The following CPLX4 variants were observed in gnomAD, a reference collection of about 807,000 sequenced individuals.
CPLX4 encodes complexin-4.
CPLX4 carries 17 observed loss-of-function variants against 16.1 expected under a neutral mutation model. The ratio of observed to expected loss-of-function variants is 1.06; its 90% CI spans 0.72 to 1.59. The LOEUF (loss-of-function observed/expected upper bound fraction) is 1.59, where lower values mean the gene tolerates loss of function less well. CPLX4 is among the 40% of genes most tolerant of loss of function. CPLX4 has a pLI of 0.00. For missense variants in CPLX4, 193 were observed against 192.9 expected (o/e 1.00, Z 0.00); for synonymous variants, 55 against 57.8 (o/e 0.95, Z 0.22).
intron 2 of CPLX4, among the ~76,000 whole-genome samples, chr18:59,309,220 T>G (rs2070599104): frequency 1.3e-5 from 2 of 152,210 alleles, no homozygotes; most frequent in Non-Finnish European, 2.9e-5. Context: ...TGTAGTATCT[T>G]CCATACCATA....
At chr18:59,301,271 C>G (rs1212640997) in intron 2 of CPLX4, among the ~76,000 whole-genome samples, 1 of 152,220 alleles carries the variant, frequency 6.6e-6, no homozygotes, top group Non-Finnish European at 1.5e-5. Flanking sequence ...GCCCTTTGGC[C>G]CACAGACTCT....
chr18:59,302,705 C>T (rs545314769), intron 2 of CPLX4, among the ~76,000 whole-genome samples: 9 of 152,286 alleles, frequency 5.9e-5, no homozygotes, highest in African/African-American at 2.2e-4. Context: ...GATGCCTGAC[C>T]TTTCACCAAA....
Position 59,318,631 on chromosome 18 carries a change from G to T in CPLX4, c.-169C>A. The T allele has an allele frequency of 1.6e-6, 2 of 1,274,316 alleles. No homozygotes were observed. The highest frequency in any genetic ancestry group is 2.8e-4 in the Middle Eastern group (1 of 3,548). The allele number at this position is 1,274,316 out of a possible 1,614,324, so 78.9% of individuals were successfully genotyped here. On this transcript the variant is annotated 5_prime_UTR_variant, in exon 1 of 3. Coordinates refer to ENST00000299721, the MANE Select transcript of CPLX4 (RefSeq NM_181654.4). ...CAAGGGCATACTGATAGAGAAGAGT[G>T]GTTTGTCGGCCGTAAGCTGGATTAA... is the stretch of plus-strand genomic sequence containing the variant.
rs1049821791 is a variant in CPLX4, at chr18:59,301,987, C to A, written c.256-5062G>T. ...GAATATTTTAGAGGAAAGAGGGCAG[C>A]TCAGTGTCAAGATCCCTGCTGAAAG... On this transcript the variant is annotated intron_variant, in intron 2 of 2. Coordinates refer to ENST00000299721, the MANE Select transcript of CPLX4 (RefSeq NM_181654.4). Among the ~76,000 whole-genome samples the A allele has an allele frequency of 3.3e-5, 5 of 152,210 alleles. No homozygotes were observed. In the South Asian group the frequency reaches 6.2e-4, roughly 19 times the overall value.
At chr18:59,307,918 ATTTTTTTTGCCCGGCTAAT>A (rs2070588359) in intron 2 of CPLX4, among the ~76,000 whole-genome samples, 2 of 146,340 alleles carry the variant, frequency 1.4e-5, no homozygotes, top group South Asian at 4.4e-4. Flanking sequence ...TGGCCGGCTA[ATTTTTTTTGCCCGGCTAAT>A]TTTTTTTTTT....
chr18:59,303,376 T>C (rs1220262399), intron 2 of CPLX4, among the ~76,000 whole-genome samples: 10 of 152,200 alleles, frequency 6.6e-5, no homozygotes, highest in African/African-American at 2.4e-4. Context: ...CTCTTTCCCT[T>C]ATGAAGACAT....
intron 2 of CPLX4, among the ~76,000 whole-genome samples, chr18:59,301,573 G>A (rs773332783): frequency 2.0e-5 from 3 of 152,252 alleles, no homozygotes; most frequent in African/African-American, 4.8e-5. Context: ...AGACAAGGCC[G>A]TTGAGTGGCT....
chr18:59,301,835 A>G (rs956327517), intron 2 of CPLX4, among the ~76,000 whole-genome samples: 11 of 152,256 alleles, frequency 7.2e-5, no homozygotes, highest in Non-Finnish European at 1.5e-4. Flanking sequence ...ACCTTGGGCA[A>G]GTCAACTTAT....
At chr18:59,314,129 G>T (rs1232791753) in intron 1 of CPLX4, among the ~76,000 whole-genome samples, 1 of 152,154 alleles carries the variant, frequency 6.6e-6, no homozygotes, top group Non-Finnish European at 1.5e-5. Context: ...CAGAATGTCA[G>T]GTCTGGAACG....
Position 59,312,717 on chromosome 18 carries a change from C to G in CPLX4, c.223G>C (p.Val75Leu). 6.9e-7 allele frequency: 1 copy of G among 1,458,466 alleles called. No homozygotes were observed. The highest frequency in any genetic ancestry group is 9.6e-7 in the Non-Finnish European group (1 of 1,038,190). 90.3% of individuals were successfully genotyped at this position (1,458,466 alleles called of 1,614,324 possible). The change falls in exon 2 of 3, where the codon GTT becomes CTT. Residue 75 changes from valine (V) to leucine (L), a missense_variant. Val to Leu is a conservative substitution (Grantham distance 32). Transcript: ENST00000299721. ...AGCCTGTATTTTTCTCTGAGATGAA[C>G]TCTGAGGCATGCCCTTTCTGCCTTT... ...QKKAERACLRVHLREKYRLPK... is the reference protein window; with the variant it reads ...QKKAERACLRLHLREKYRLPK...
intron 2 of CPLX4, among the ~76,000 whole-genome samples, chr18:59,297,677 G>A (rs963655199): frequency 2.0e-5 from 3 of 152,234 alleles, no homozygotes; most frequent in South Asian, 2.1e-4. Flanking sequence ...AGCTTTGCAA[G>A]TCTTGCAGAT....
chr18:59,301,846 G>A (rs943591985), intron 2 of CPLX4, among the ~76,000 whole-genome samples: 1 of 152,254 alleles, frequency 6.6e-6, no homozygotes. Context: ...GTCAACTTAT[G>A]TTTCTGATGT....
In CPLX4 at chr18:59,318,505, CT is replaced by C; in HGVS notation, c.-44del. ...AATAAAACCAAAATTCAGACAAAAG[CT>C]GAAAAAAAAAATCCAAACAAACCCA... is the stretch of plus-strand genomic sequence containing the variant. On this transcript the variant is annotated 5_prime_UTR_variant, in exon 1 of 3. Transcript: ENST00000299721. The C allele has an allele frequency of 2.6e-6, 4 of 1,559,546 alleles. No homozygotes were observed. The highest frequency in any genetic ancestry group is 3.4e-6 in the Non-Finnish European group (4 of 1,159,902).
At chr18:59,303,544 G>C (rs1368282393) in intron 2 of CPLX4, among the ~76,000 whole-genome samples, 1 of 152,206 alleles carries the variant, frequency 6.6e-6, no homozygotes, top group Non-Finnish European at 1.5e-5. Flanking sequence ...GGTCTAGCAA[G>C]AAAACATGGC....
intron 2 of CPLX4, among the ~76,000 whole-genome samples, chr18:59,301,421 A>G (rs1044773497): frequency 6.6e-6 from 1 of 152,208 alleles, no homozygotes; most frequent in Non-Finnish European, 1.5e-5. Flanking sequence ...AGAGTCCTGC[A>G]CTCACCATTG....
chr18:59,311,148 T>C (rs2070614573), intron 2 of CPLX4, among the ~76,000 whole-genome samples: 1 of 152,130 alleles, frequency 6.6e-6, no homozygotes. Context: ...TCCAGGGAGT[T>C]TCAGGAAATT....
intron 2 of CPLX4, among the ~76,000 whole-genome samples, chr18:59,299,488 C>G (rs1286292551): frequency 6.6e-6 from 1 of 152,124 alleles, no homozygotes. Context: ...AGCGTGTCAG[C>G]CAGCCAGGAG....
intron 1 of CPLX4, among the ~76,000 whole-genome samples, chr18:59,317,283 A>G (rs2070657365): frequency 6.6e-6 from 1 of 152,142 alleles, no homozygotes; most frequent in South Asian, 2.1e-4. Context: ...TGGTGGCAAA[A>G]AAGAAATACT....
chr18:59,313,833 T>C (rs1254931912), intron 1 of CPLX4, among the ~76,000 whole-genome samples: 4 of 150,516 alleles, frequency 2.7e-5, no homozygotes, highest in African/African-American at 9.7e-5. Flanking sequence ...GCTCGTGGCC[T>C]CTCAACAGCC....
Sources: allele counts gnomAD v4.1 joint callset (sites outside exome capture counted in the v4.1 genomes callset), GRCh38; gene constraint gnomAD v4.1.1; transcripts MANE v1.5; gene names NCBI Gene and HGNC (gene_info 2026-07-23, HGNC 2026-07-21).